The following STOX2 variants were observed in gnomAD, a reference collection of about 807,000 sequenced individuals.
STOX2 encodes the protein storkhead box 2.
STOX2 carries 28 observed loss-of-function variants against 60.9 expected under a neutral mutation model. The ratio of observed to expected loss-of-function variants is 0.46; its 90% CI spans 0.34 to 0.63. The LOEUF is 0.63. Ranked by LOEUF, STOX2 falls within the 30% of genes least tolerant of loss-of-function variation. The pLI, the probability that STOX2 is intolerant of heterozygous loss-of-function variation, is 0.01. For missense variants in STOX2, 1,024 were observed against 1,187.7 expected, an observed-to-expected ratio of 0.86 and a Z score of 2.03; for synonymous variants, 472 against 463.9, an observed-to-expected ratio of 1.02 and a Z score of -0.22.
intron 2 of STOX2, among the ~76,000 whole-genome samples, chr4:184,008,537 A>G (rs1733980617): frequency 6.6e-6 from 1 of 152,208 alleles, no homozygotes; most frequent in Non-Finnish European, 1.5e-5. Context: ...TCTTACATGA[A>G]TTTTACCCGG....
At chr4:183,798,914 T>G (rs1554017355) in intron 1 of STOX2, 1 of 425,984 alleles carries the variant, frequency 2.3e-6, no homozygotes, top group Non-Finnish European at 2.7e-6. Flanking sequence ...GTTTTTGTAC[T>G]ATTACATAGT....
intron 1 of STOX2, among the ~76,000 whole-genome samples, chr4:183,921,835 T>G (rs1742108113): frequency 6.6e-6 from 1 of 152,218 alleles, no homozygotes; most frequent in African/African-American, 2.4e-5. Context: ...GCTAGCTAAC[T>G]AGCTAACACT....
chr4:183,908,596 T>TTTG (rs1553973327), intron 1 of STOX2, among the ~76,000 whole-genome samples: 6 of 151,238 alleles, frequency 4.0e-5, no homozygotes, highest in African/African-American at 1.2e-4. Flanking sequence ...CAGCCAGTTT[T>TTTG]TTTTTTTTTT....
chr4:183,803,144 A>G (rs1429238545), intron 1 of STOX2, among the ~76,000 whole-genome samples: 1 of 152,096 alleles, frequency 6.6e-6, no homozygotes, highest in African/African-American at 2.4e-5. Flanking sequence ...ATCTCGTGAA[A>G]CCCATTCACT....
At chr4:183,911,581 C>G (rs1250787294) in intron 1 of STOX2, among the ~76,000 whole-genome samples, 1 of 152,130 alleles carries the variant, frequency 6.6e-6, no homozygotes, top group African/African-American at 2.4e-5. Context: ...CTTGATATTT[C>G]AATATCTTTT....
intron 1 of STOX2, among the ~76,000 whole-genome samples, chr4:183,970,686 G>A (rs1229342038): frequency 6.6e-6 from 1 of 152,168 alleles, no homozygotes; most frequent in Admixed American, 6.5e-5. Context: ...GTCCCCACTG[G>A]TTCCCCCACC....
At chr4:183,805,446 A>G (rs570107343) in intron 1 of STOX2, among the ~76,000 whole-genome samples, 2 of 152,296 alleles carry the variant, frequency 1.3e-5, no homozygotes, top group Admixed American at 1.3e-4. Flanking sequence ...TTTAATTTAT[A>G]GTATACTATA....
intron 1 of STOX2, among the ~76,000 whole-genome samples, chr4:183,803,788 C>A (rs59484908): frequency 6.6e-6 from 1 of 152,152 alleles, no homozygotes; most frequent in African/African-American, 2.4e-5. Context: ...CATGGTGAAA[C>A]CCTGTCTCTA....
chr4:183,822,503 A>G (rs1384602470), intron 1 of STOX2, among the ~76,000 whole-genome samples: 1 of 152,218 alleles, frequency 6.6e-6, no homozygotes, highest in Non-Finnish European at 1.5e-5. Context: ...AGACGGTCCC[A>G]TCTGGGAGAC....
rs1211419053 is a variant in STOX2 at position 184,011,073 on chromosome 4, C to T, written c.2235C>T (p.Ser745=). Residue 745 remains serine (S), a synonymous_variant, in exon 3 of 4, where the codon TCC becomes TCT. Coordinates refer to ENST00000308497, the MANE Select transcript of STOX2 (RefSeq NM_020225.3). This position sits in a 1 kb window ranked among gnomAD's most constrained non-coding sequence, Gnocchi z 4.4. The part of the protein sequence containing the change: ...LPGRCEKLEP[S]LGTSAAQAMP... ...GCCGATGTGAGAAACTGGAACCGTC[C>T]CTGGGGACCTCGGCGGCACAAGCCA... The T allele has an allele frequency of 4.4e-6, 7 of 1,606,986 alleles. No homozygotes were observed. The highest frequency in any genetic ancestry group is 4.0e-5 in the African/African-American group (3 of 74,736).
intron 1 of STOX2, among the ~76,000 whole-genome samples, chr4:183,800,321 G>C (rs1399969343): frequency 6.6e-6 from 1 of 152,126 alleles, no homozygotes; most frequent in African/African-American, 2.4e-5. Flanking sequence ...CTGGCGGGGG[G>C]CCGGGGCGGT....
chr4:184,009,657 A>G lies in STOX2; in HGVS notation c.819A>G (p.Leu273=). Residue 273 remains leucine (L), a synonymous_variant, in exon 3 of 4, where the codon TTA becomes TTG. Coordinates refer to ENST00000308497, the MANE Select transcript of STOX2 (RefSeq NM_020225.3). This position sits in a 1 kb window ranked among gnomAD's most constrained non-coding sequence, Gnocchi z 4.0. ...AATTCGGGCTAAAGTTATTCCGGTT[A>G]AGTTTTAAAAAAGACAAGACCAAAC... is the stretch of plus-strand genomic sequence containing the variant. The part of the protein sequence containing the change: ...SKKFGLKLFR[L]SFKKDKTKQL... 1.9e-6 allele frequency: 3 copies of G among 1,613,828 alleles called. No homozygotes were observed. Among genetic ancestry groups the G allele is most frequent in the Non-Finnish European group, 2.5e-6 (3 of 1,179,890 alleles).
At chr4:183,982,905 T>G (rs1732707152) in intron 1 of STOX2, among the ~76,000 whole-genome samples, 1 of 152,244 alleles carries the variant, frequency 6.6e-6, no homozygotes, top group Admixed American at 6.5e-5. Flanking sequence ...TCCTATACCC[T>G]GTTGCCTGCA....
intron 1 of STOX2, among the ~76,000 whole-genome samples, chr4:183,964,993 T>G (rs1400615600): frequency 6.6e-6 from 1 of 152,264 alleles, no homozygotes; most frequent in Non-Finnish European, 1.5e-5. Context: ...TTGAATTTTC[T>G]TATCACGAAA....
chr4:183,932,398 CAGTATATGTATGTATACATACA>C (rs1742459840), intron 1 of STOX2, among the ~76,000 whole-genome samples: 2 of 13,492 alleles, frequency 1.5e-4, no homozygotes, highest in African/African-American at 1.4e-4. Context: ...TGTATACATA[CAGTATATGTATGTATACATACA>C]GTATATGTAT....
intron 1 of STOX2, among the ~76,000 whole-genome samples, chr4:183,861,305 C>T (rs1419140640): frequency 8.6e-5 from 4 of 46,258 alleles, no homozygotes; most frequent in Non-Finnish European, 1.7e-4. Context: ...TGTCCCGTTA[C>T]CTTGGGGGGG....
At chr4:184,006,959 T>G (rs1190348325) in intron 2 of STOX2, among the ~76,000 whole-genome samples, 1 of 126,262 alleles carries the variant, frequency 7.9e-6, no homozygotes, top group Non-Finnish European at 1.6e-5. Flanking sequence ...GAGCTTGCAG[T>G]GAGCCGAGAT....
chr4:183,951,801 G>A (rs1394853605), intron 1 of STOX2, among the ~76,000 whole-genome samples: 2 of 152,058 alleles, frequency 1.3e-5, no homozygotes, highest in Non-Finnish European at 2.9e-5. Flanking sequence ...AAATTAGCTG[G>A]GCGTGGTGGT....
At position 184,011,523 on chromosome 4, in the gene STOX2, T is replaced by C; in HGVS notation, c.2585+100T>C. On this transcript the variant is annotated intron_variant, in intron 3 of 3. Coordinates refer to ENST00000308497, the MANE Select transcript of STOX2 (RefSeq NM_020225.3). The surrounding 1 kb of genome is among the most constrained non-coding windows in gnomAD (Gnocchi z 4.4). ...TTCTGATTTCGTAGTCTCAGTTCTA[T>C]GGATGAGGGTTAAGAGTTGTATGAG... is the stretch of plus-strand genomic sequence containing the variant. The C allele has an allele frequency of 2.5e-6, 4 of 1,575,040 alleles. No individual in the cohort carries two copies. The highest frequency in any genetic ancestry group is 3.4e-6 in the Non-Finnish European group (4 of 1,160,422).
Sources: gnomAD v4.1 joint callset for allele counts (sites outside exome capture counted in the v4.1 genomes callset) on GRCh38, gnomAD v4.1.1 for gene constraint, Gnocchi (gnomAD v3.1) non-coding constraint, MANE v1.5 for transcripts, NCBI Gene and HGNC (gene_info 2026-07-23, HGNC 2026-07-21) for gene names.